The following CREB5 variants were observed in gnomAD, a reference collection of about 807,000 sequenced individuals.
CREB5 encodes the protein cyclic AMP-responsive element-binding protein 5.
Under a neutral mutation model 57.1 loss-of-function variants are expected in CREB5, and 19 were observed. The ratio of observed to expected loss-of-function variants is 0.33; its 90% CI spans 0.23 to 0.49. CREB5 has a LOEUF of 0.49. CREB5 is among the 20% of genes least tolerant of loss of function. The probability of loss-of-function intolerance (pLI) is 0.99; values close to 1 mark genes in which losing one functional copy is unlikely to be tolerated. For synonymous variants in CREB5, 238 were observed against 238.3 expected (o/e 1.00, Z 0.01); for missense variants, 579 against 671.6 (o/e 0.86, Z 1.52).
rs533532612 is a variant in CREB5, at chr7:28,331,720, G to A, written c.-25+32279G>A. On this transcript the variant is annotated intron_variant, in intron 1 of 9. Coordinates refer to the CREB5 transcript ENST00000396299. The stretch of plus-strand genomic sequence containing the variant: ...AAAAATTAGCTGGGTGTGGTGGCTC[G>A]CACCTGTAATCCCAGCTACCCTGGG... Among the ~76,000 whole-genome samples the A allele has an allele frequency of 4.6e-5, 7 of 151,976 alleles. No individual in the cohort carries two copies. The South Asian group carries it at 6.3e-4, about 14-fold the overall frequency.
intron 1 of CREB5, among the ~76,000 whole-genome samples, chr7:28,444,399 A>C (rs1455907103): frequency 1.3e-5 from 2 of 152,182 alleles, no homozygotes; most frequent in Non-Finnish European, 2.9e-5. Flanking sequence ...CCAACTCAGG[A>C]AGCTAGTTTG....
At chr7:28,388,413 C>T (rs1787153116) in intron 1 of CREB5, among the ~76,000 whole-genome samples, 2 of 152,136 alleles carry the variant, frequency 1.3e-5, no homozygotes, top group Admixed American at 6.5e-5. Flanking sequence ...CTCAGTGTGG[C>T]CATTAAAATC....
At chr7:28,347,618 C>T (rs901193660) in intron 1 of CREB5, among the ~76,000 whole-genome samples, 2 of 152,116 alleles carry the variant, frequency 1.3e-5, no homozygotes, top group Non-Finnish European at 1.5e-5. Flanking sequence ...CTAAATAATA[C>T]TAACCCTGCC....
intron 9 of CREB5, among the ~76,000 whole-genome samples, chr7:28,812,724 G>A (rs1583805516): frequency 6.6e-6 from 1 of 152,196 alleles, no homozygotes; most frequent in Admixed American, 6.5e-5. Context: ...GGATGCTGGA[G>A]AGGATGCTGC....
At chr7:28,407,933 G>A (rs1787621056), upstream of CREB5, among the ~76,000 whole-genome samples, 1 of 152,204 alleles carries the variant, frequency 6.6e-6, no homozygotes, top group Admixed American at 6.5e-5. Flanking sequence ...ATAAATGTCA[G>A]ATGTTACATA....
chr7:28,310,540 T>C (rs1393182277), intron 1 of CREB5, among the ~76,000 whole-genome samples: 4 of 152,248 alleles, frequency 2.6e-5, no homozygotes, highest in East Asian at 1.9e-4. Flanking sequence ...TTTTCAACTA[T>C]GAAATTTTTA....
At chr7:28,578,521 T>C (rs183113027) in intron 5 of CREB5, among the ~76,000 whole-genome samples, 24 of 152,340 alleles carry the variant, frequency 1.6e-4, no homozygotes, top group African/African-American at 5.5e-4. Context: ...TACACTTTGC[T>C]TTTTTGAAGA....
At chr7:28,675,820 A>G (rs549220756) in intron 5 of CREB5, among the ~76,000 whole-genome samples, 5 of 152,204 alleles carry the variant, frequency 3.3e-5, no homozygotes, top group African/African-American at 1.2e-4. Context: ...TGCTCTGGCA[A>G]TGCAGAGTTG....
At chr7:28,357,436 T>C (rs139860156) in intron 1 of CREB5, among the ~76,000 whole-genome samples, 97 of 152,308 alleles carry the variant, frequency 6.4e-4, no homozygotes, top group African/African-American at 2.1e-3. Context: ...TATAGTAAAT[T>C]TGGTATTTAA....
At chr7:28,445,440 T>G (rs1789395831) in intron 1 of CREB5, among the ~76,000 whole-genome samples, 1 of 152,214 alleles carries the variant, frequency 6.6e-6, no homozygotes, top group African/African-American at 2.4e-5. Context: ...ACTTTGTTTT[T>G]GCACTTTAAC....
chr7:28,713,935 C>T (rs1020286885), intron 5 of CREB5, among the ~76,000 whole-genome samples: 1 of 151,904 alleles, frequency 6.6e-6, no homozygotes, highest in Non-Finnish European at 1.5e-5. Flanking sequence ...AAGATTTCTT[C>T]GATATCTATG....
At chr7:28,615,248 C>T (rs1340951186) in intron 5 of CREB5, 3 of 152,140 alleles carry the variant, frequency 2.0e-5, no homozygotes, top group Non-Finnish European at 4.4e-5. Context: ...TCTTGGAGAC[C>T]GCATCAGAGG....
intron 4 of CREB5, among the ~76,000 whole-genome samples, chr7:28,527,694 G>A (rs903639665): frequency 1.6e-4 from 24 of 152,164 alleles, no homozygotes; most frequent in Non-Finnish European, 2.9e-5. Context: ...GGTGGTGCAT[G>A]CCTGTATTCC....
chr7:28,526,464 A>G (rs2128619180), intron 4 of CREB5, among the ~76,000 whole-genome samples: 1 of 152,354 alleles, frequency 6.6e-6, no homozygotes, highest in Non-Finnish European at 1.5e-5. Flanking sequence ...TAGCCTCTAA[A>G]CTGTGGATCC....
chr7:28,404,556 A>G (rs904976679), intron 1 of CREB5, among the ~76,000 whole-genome samples: 3 of 152,190 alleles, frequency 2.0e-5, no homozygotes, highest in South Asian at 2.1e-4. Context: ...CCTCATGCAC[A>G]TGCTCCACCA....
intron 5 of CREB5, among the ~76,000 whole-genome samples, chr7:28,611,642 C>G (rs1477543315): frequency 6.6e-6 from 1 of 150,420 alleles, no homozygotes; most frequent in Non-Finnish European, 1.5e-5. Flanking sequence ...CGCCACTGCA[C>G]TCTAGCCTGT....
intron 1 of CREB5, among the ~76,000 whole-genome samples, chr7:28,324,031 G>A (rs570553426): frequency 2.2e-4 from 34 of 152,218 alleles, no homozygotes; most frequent in African/African-American, 7.5e-4. Context: ...GAGCTCAGGA[G>A]GTAATGTGCA....
chr7:28,373,648 A>T (rs897366625), intron 1 of CREB5, among the ~76,000 whole-genome samples: 1 of 151,014 alleles, frequency 6.6e-6, no homozygotes, highest in African/African-American at 2.4e-5. Flanking sequence ...CTGGTCTCCA[A>T]CTCCTGGGCT....
chr7:28,318,616 G>T (rs1785426669), intron 1 of CREB5, among the ~76,000 whole-genome samples: 1 of 152,170 alleles, frequency 6.6e-6, no homozygotes, highest in Admixed American at 6.5e-5. Flanking sequence ...TGAGACAGGA[G>T]TTGGACCACA....
Sources: allele counts gnomAD v4.1 joint callset (sites outside exome capture counted in the v4.1 genomes callset), GRCh38; gene constraint gnomAD v4.1.1; transcripts MANE v1.5; gene names NCBI Gene and HGNC (gene_info 2026-07-23, HGNC 2026-07-21).